Variants in ASIC2 observed in about 807,000 individuals in gnomAD.
ASIC2 encodes acid-sensing ion channel 2.
A neutral mutation model predicts 57.3 loss-of-function variants in ASIC2; 25 were observed. The observed-to-expected ratio is 0.44, with a 90% CI of 0.32 to 0.61. The LOEUF is 0.61. Among genes scored for constraint, ASIC2 ranks in the 20% least tolerant of loss-of-function variants. The probability of loss-of-function intolerance (pLI) is 0.06; values close to 1 mark genes in which losing one functional copy is unlikely to be tolerated. For missense variants in ASIC2, 641 were observed against 738.1 expected (o/e 0.87, Z 1.52); for synonymous variants, 319 against 307.5 (o/e 1.04, Z -0.39).
intron 1 of ASIC2, among the ~76,000 whole-genome samples, chr17:33,352,266 T>A (rs1209388597): frequency 2.0e-5 from 3 of 152,088 alleles, no homozygotes; most frequent in African/African-American, 7.2e-5. Flanking sequence ...TCCCACTCCT[T>A]CCAGGTCACC....
chr17:33,085,553 G>A (rs1406350335), intron 3 of ASIC2, among the ~76,000 whole-genome samples: 2 of 152,148 alleles, frequency 1.3e-5, no homozygotes, highest in Non-Finnish European at 2.9e-5. Context: ...TAAAGAAACC[G>A]CTAATCTACA....
chr17:33,830,139 A>G (rs1913058701), intron 1 of ASIC2, among the ~76,000 whole-genome samples: 2 of 152,324 alleles, frequency 1.3e-5, no homozygotes, highest in South Asian at 4.1e-4. Context: ...TTAAGCTGAA[A>G]TCTGGCTTCC....
chr17:33,745,415 A>G (rs1910229774), intron 1 of ASIC2, among the ~76,000 whole-genome samples: 1 of 152,180 alleles, frequency 6.6e-6, no homozygotes, highest in African/African-American at 2.4e-5. Context: ...CTGAAAAAAA[A>G]AAATCAATTT....
At chr17:33,905,169 C>CTTTT (rs1915322113) in intron 1 of ASIC2, among the ~76,000 whole-genome samples, 1 of 102,270 alleles carries the variant, frequency 9.8e-6, no homozygotes, top group Non-Finnish European at 1.8e-5. Context: ...TTTTTTTCCA[C>CTTTT]TTAGCGTTCT....
chr17:33,293,286 C>T lies in ASIC2; in HGVS notation c.-1171G>A, dbSNP rs578171515. On this transcript the variant is annotated 5_prime_UTR_variant, in exon 1 of 10. Transcript: ENST00000225823. Reference sequence around the variant, plus strand: ...GCACCTGCTCCTCAGCTCGCTGGCCCCGCGGCTCCGGGCGGGCGGGGCGGC... The same window carrying T: ...GCACCTGCTCCTCAGCTCGCTGGCCTCGCGGCTCCGGGCGGGCGGGGCGGC... 1.3e-5 allele frequency among the ~76,000 whole-genome samples: 2 copies of T among 151,992 alleles called. No individual in the cohort carries two copies. Among genetic ancestry groups the T allele is most frequent in the African/African-American group, 4.8e-5 (2 of 41,410 alleles).
chr17:33,871,548 C>T (rs1384721432), intron 1 of ASIC2, among the ~76,000 whole-genome samples: 1 of 152,118 alleles, frequency 6.6e-6, no homozygotes, highest in Non-Finnish European at 1.5e-5. Context: ...GTGTGTGATG[C>T]TTTTCTCCAA....
chr17:33,483,552 T>C (rs12452593), intron 1 of ASIC2, among the ~76,000 whole-genome samples: 31,048 of 152,226 alleles, frequency 0.2, 3,871 homozygotes, highest in Non-Finnish European at 0.28. Flanking sequence ...TGTGAGCTCA[T>C]ACACGTTACT....
Position 33,487,686 on chromosome 17 carries a change from A to G in ASIC2, c.556-375619T>C, listed in dbSNP as rs1005938005. On this transcript the variant is annotated intron_variant, in intron 1 of 9. Transcript: ENST00000359872. ...ACTGGGAGAGGCAGACCAACCCTCA[A>G]TCTGGGTGGGCACCATCTAACCAGC... Among the ~76,000 whole-genome samples the G allele has an allele frequency of 5.3e-5, 8 of 152,314 alleles. 1 individual carries two copies. The highest frequency in any genetic ancestry group is 3.9e-4 in the Admixed American group (6 of 15,304).
chr17:33,253,019 C>A (rs1326947870), intron 1 of ASIC2, among the ~76,000 whole-genome samples: 1 of 152,146 alleles, frequency 6.6e-6, no homozygotes, highest in Non-Finnish European at 1.5e-5. Flanking sequence ...AAGCTCCAAT[C>A]GAAATAACAT....
At chr17:33,268,580 C>A (rs1909569579) in intron 1 of ASIC2, among the ~76,000 whole-genome samples, 1 of 152,158 alleles carries the variant, frequency 6.6e-6, no homozygotes, top group Non-Finnish European at 1.5e-5. Flanking sequence ...AGTAACACAA[C>A]ACAGGTGTTC....
chr17:34,151,792 C>T (rs1286413904), intron 1 of ASIC2, among the ~76,000 whole-genome samples: 1 of 152,094 alleles, frequency 6.6e-6, no homozygotes, highest in African/African-American at 2.4e-5. Context: ...AGAGGCCTAC[C>T]CTGCTCTAGG....
chr17:33,050,484 A>G (rs537536913), intron 3 of ASIC2, among the ~76,000 whole-genome samples: 4 of 152,284 alleles, frequency 2.6e-5, no homozygotes, highest in South Asian at 2.1e-4. Context: ...GCTCAAAAAT[A>G]TTAGGTTGCC....
chr17:33,997,307 ATTTTTTTTTTT>A (rs71147411), intron 1 of ASIC2, among the ~76,000 whole-genome samples: 3 of 85,766 alleles, frequency 3.5e-5, no homozygotes, highest in African/African-American at 1.0e-4. Context: ...TGCACGGTTA[ATTTTTTTTTTT>A]TTTTTTTTTT....
chr17:33,531,877 T>C (rs1379740937), intron 1 of ASIC2, among the ~76,000 whole-genome samples: 1 of 152,120 alleles, frequency 6.6e-6, no homozygotes, highest in Non-Finnish European at 1.5e-5. Context: ...TCCCAGCCCT[T>C]TGTTCTCCCC....
At chr17:33,233,514 TCACA>T (rs36203893) in intron 1 of ASIC2, among the ~76,000 whole-genome samples, 11,887 of 146,770 alleles carry the variant, frequency 0.081, 635 homozygotes, top group East Asian at 0.23. Flanking sequence ...AATTGGAAAT[TCACA>T]CACACACACA....
At chr17:33,971,967 C>T (rs1905239157) in intron 1 of ASIC2, among the ~76,000 whole-genome samples, 2 of 152,126 alleles carry the variant, frequency 1.3e-5, no homozygotes, top group African/African-American at 4.8e-5. Context: ...CCAGGCTCAG[C>T]GTTCTTACAG....
At chr17:33,186,936 T>C (rs985947721) in intron 1 of ASIC2, among the ~76,000 whole-genome samples, 2 of 152,200 alleles carry the variant, frequency 1.3e-5, no homozygotes, top group African/African-American at 4.8e-5. Context: ...CAGATTGTGA[T>C]GTGCGACGAA....
chr17:33,135,986 G>A (rs1043546506), intron 1 of ASIC2, among the ~76,000 whole-genome samples: 5 of 152,138 alleles, frequency 3.3e-5, no homozygotes, highest in African/African-American at 4.8e-5. Context: ...GCAGATAGAC[G>A]GGTAGCAAAG....
At chr17:33,829,087 T>C (rs1256003569) in intron 1 of ASIC2, among the ~76,000 whole-genome samples, 1 of 152,190 alleles carries the variant, frequency 6.6e-6, no homozygotes, top group Non-Finnish European at 1.5e-5. Context: ...CGTTGATAGG[T>C]TGACCCTGTC....
Sources: gnomAD v4.1 joint callset for allele counts (sites outside exome capture counted in the v4.1 genomes callset) on GRCh38, gnomAD v4.1.1 for gene constraint, MANE v1.5 for transcripts, NCBI Gene and HGNC (gene_info 2026-07-23, HGNC 2026-07-21) for gene names.